Variants in GRIA2 observed in about 807,000 individuals in gnomAD.
The protein encoded by GRIA2 is glutamate ionotropic receptor AMPA type subunit 2.
Under a neutral mutation model 97.3 loss-of-function variants are expected in GRIA2, and 14 were observed. The ratio of observed to expected loss-of-function variants is 0.14; its 90% CI spans 0.10 to 0.23. GRIA2 has a LOEUF of 0.23. Ranked by LOEUF, GRIA2 falls within the 10% of genes least tolerant of loss-of-function variation. GRIA2 has a pLI of 1.00. For synonymous variants in GRIA2, 412 were observed against 387.8 expected (o/e 1.06, Z -0.73); for missense variants, 558 against 1,069.8 (o/e 0.52, Z 6.67).
intron 12 of GRIA2, among the ~76,000 whole-genome samples, chr4:157,355,823 A>G (rs1420276431): frequency 8.8e-5 from 7 of 79,612 alleles, no homozygotes; most frequent in Non-Finnish European, 1.2e-4. Flanking sequence ...AGTTATATAT[A>G]TTTATATATA....
intron 3 of GRIA2, among the ~76,000 whole-genome samples, chr4:157,311,954 GT>G (rs1204162952): frequency 2.0e-5 from 3 of 151,978 alleles, no homozygotes; most frequent in Non-Finnish European, 4.4e-5. Flanking sequence ...AATTTTCCAA[GT>G]GATATGATGC....
Position 157,333,898 on chromosome 4 carries a change from C to G in GRIA2, c.1156-112C>G, listed in dbSNP as rs142242168. The G allele has an allele frequency of 2.1e-4, 135 of 635,024 alleles. 2 individuals are homozygous for G. In the East Asian group the frequency reaches 3.5e-3, roughly 16 times the overall value. The allele number at this position is 635,024 out of a possible 1,614,324, so 39.3% of individuals were successfully genotyped here. ...AAAGACATTTCTATTTAGAACAAGTCCAGTAAATGTGGTTCTAATTTCAGA... is the reference window on the plus strand; with the variant it reads ...AAAGACATTTCTATTTAGAACAAGTGCAGTAAATGTGGTTCTAATTTCAGA... On this transcript the variant is annotated intron_variant, in intron 8 of 15. Coordinates refer to ENST00000264426, the MANE Select transcript of GRIA2 (RefSeq NM_001083619.3).
chr4:157,327,647 G>A lies in GRIA2; in HGVS notation c.883-5172G>A, dbSNP rs543732578. Among the ~76,000 whole-genome samples, 32 of 152,142 alleles carry A rather than the reference G, an allele frequency of 2.1e-4. No individual in the cohort carries two copies. In the South Asian group the frequency reaches 6.4e-3, roughly 31 times the overall value. ...ACTAGCCATTCTACCTTATCACATA[G>A]TAACCTTTGTTCAACTTTTGTGTCT... On this transcript the variant is annotated intron_variant, in intron 6 of 15. Coordinates refer to ENST00000264426, the MANE Select transcript of GRIA2 (RefSeq NM_001083619.3).
At chr4:157,350,358 C>T (rs973527786) in intron 12 of GRIA2, among the ~76,000 whole-genome samples, 8 of 151,940 alleles carry the variant, frequency 5.3e-5, no homozygotes, top group East Asian at 1.9e-4. Context: ...TCTTACAGTG[C>T]GGTATCTAGA....
At chr4:157,355,429 G>A (rs1443989245) in intron 12 of GRIA2, among the ~76,000 whole-genome samples, 3 of 150,980 alleles carry the variant, frequency 2.0e-5, no homozygotes, top group African/African-American at 7.3e-5. Flanking sequence ...CCAGGAGGCT[G>A]AGGCAGGAGA....
intron 2 of GRIA2, among the ~76,000 whole-genome samples, chr4:157,251,903 T>C (rs1374287676): frequency 6.6e-6 from 1 of 152,110 alleles, no homozygotes; most frequent in East Asian, 1.9e-4. Flanking sequence ...CCAGGCATTC[T>C]TGAGACCCTA....
intron 2 of GRIA2, among the ~76,000 whole-genome samples, chr4:157,290,907 A>C (rs1733067683): frequency 6.6e-6 from 1 of 151,832 alleles, no homozygotes; most frequent in East Asian, 1.9e-4. Flanking sequence ...AGTCGCATTT[A>C]ATTTAGACAC....
At chr4:157,359,469 C>T (rs535021580) in intron 12 of GRIA2, among the ~76,000 whole-genome samples, 1 of 152,270 alleles carries the variant, frequency 6.6e-6, no homozygotes, top group Admixed American at 6.5e-5. Context: ...AATCTCACCA[C>T]TTACATGCCT....
intron 2 of GRIA2, among the ~76,000 whole-genome samples, chr4:157,279,857 G>T (rs2126811374): frequency 6.6e-6 from 1 of 152,206 alleles, no homozygotes; most frequent in African/African-American, 2.4e-5. Flanking sequence ...GGGCGTGGTG[G>T]CTCACCCCTG....
At chr4:157,258,776 T>C (rs1465287476) in intron 2 of GRIA2, among the ~76,000 whole-genome samples, 2 of 152,130 alleles carry the variant, frequency 1.3e-5, no homozygotes, top group South Asian at 2.1e-4. Context: ...AATTTCTCCC[T>C]TTTCTACTCT....
chr4:157,333,380 T>C (rs1194264969), intron 8 of GRIA2, 27 bp downstream of exon 8: 1 of 1,264,150 alleles, frequency 7.9e-7, no homozygotes, highest in Admixed American at 2.0e-5. Context: ...TTAAAGGCAG[T>C]TCTATGTGAG....
chr4:157,277,485 C>T (rs536145143), intron 2 of GRIA2, among the ~76,000 whole-genome samples: 1 of 151,894 alleles, frequency 6.6e-6, no homozygotes, highest in African/African-American at 2.4e-5. Context: ...CAAGGATGTT[C>T]TCTTTCACCA....
At position 157,280,389 on chromosome 4, in the gene GRIA2, T is replaced by C. The variant is rs574512333; in HGVS notation, c.230-23163T>C. On this transcript the variant is annotated intron_variant, in intron 2 of 15. Transcript: ENST00000264426. ...AACAATCATCAGGTGGACTTCTGAG[T>C]GTCTTGGAAGATCTTAGACTGTAAG... Among the ~76,000 whole-genome samples the C allele has an allele frequency of 3.2e-4, 49 of 152,210 alleles. 2 individuals are homozygous for C. Among genetic ancestry groups the C allele is most frequent in the African/African-American group, 1.2e-3 (49 of 41,546 alleles).
At chr4:157,310,450 G>A (rs966442667) in intron 3 of GRIA2, among the ~76,000 whole-genome samples, 1 of 151,900 alleles carries the variant, frequency 6.6e-6, no homozygotes, top group Admixed American at 6.6e-5. Context: ...AAATTAGAAT[G>A]CTATAAAGAT....
At chr4:157,235,890 C>T (rs1192736066) in intron 2 of GRIA2, among the ~76,000 whole-genome samples, 1 of 151,848 alleles carries the variant, frequency 6.6e-6, no homozygotes. Flanking sequence ...AAGCTAGTTG[C>T]AGGTTTTAAA....
chr4:157,285,981 A>G (rs778054810), intron 2 of GRIA2, among the ~76,000 whole-genome samples: 2 of 151,546 alleles, frequency 1.3e-5, no homozygotes, highest in Non-Finnish European at 3.0e-5. Context: ...ATTTAAACCT[A>G]TGTCCAACTG....
At chr4:157,229,667 A>G (rs1395119630) in intron 2 of GRIA2, among the ~76,000 whole-genome samples, 1 of 152,166 alleles carries the variant, frequency 6.6e-6, no homozygotes, top group African/African-American at 2.4e-5. Flanking sequence ...GTTAATACTT[A>G]CATTTTTTCC....
intron 2 of GRIA2, among the ~76,000 whole-genome samples, chr4:157,287,513 A>C (rs1401570335): frequency 2.0e-5 from 3 of 151,616 alleles, no homozygotes; most frequent in Non-Finnish European, 4.4e-5. Flanking sequence ...GTTTTGGTTT[A>C]GGGAGCATAT....
intron 2 of GRIA2, among the ~76,000 whole-genome samples, chr4:157,242,654 A>G (rs1301055285): frequency 6.6e-6 from 1 of 152,072 alleles, no homozygotes; most frequent in Non-Finnish European, 1.5e-5. Flanking sequence ...TTATTCTCTA[A>G]CACTGAATTA....
Sources: gnomAD v4.1 joint callset for allele counts (sites outside exome capture counted in the v4.1 genomes callset) on GRCh38, gnomAD v4.1.1 for gene constraint, MANE v1.5 for transcripts, NCBI Gene and HGNC (gene_info 2026-07-23, HGNC 2026-07-21) for gene names.